The following LRIF1 variants were observed in gnomAD, a reference collection of about 807,000 sequenced individuals.
LRIF1 encodes the protein ligand dependent nuclear receptor interacting factor 1, also known as ligand-dependent nuclear receptor-interacting factor 1.
In LRIF1, 32 loss-of-function variants were observed where a neutral mutation model predicts 52.7. The ratio of observed to expected loss-of-function variants is 0.61; its 90% CI spans 0.46 to 0.82. The LOEUF is 0.82. Ranked by LOEUF, LRIF1 falls within the 40% of genes least tolerant of loss-of-function variation. The pLI is 0.00. For synonymous variants in LRIF1, 323 were observed against 317.4 expected (o/e 1.02, Z -0.19); for missense variants, 887 against 892.0 (o/e 0.99, Z 0.07).
At chr1:110,942,747 C>G (rs534033041), downstream of LRIF1, among the ~76,000 whole-genome samples, 1 of 152,018 alleles carries the variant, frequency 6.6e-6, no homozygotes, top group East Asian at 1.9e-4. Flanking sequence ...AACTAAGATA[C>G]AGAAGATCTT....
chr1:110,912,018 A>G, the LRIF1 span, among the ~76,000 whole-genome samples: 1 of 152,202 alleles, frequency 6.6e-6, no homozygotes, highest in African/African-American at 2.4e-5. Context: ...ATCAGGCAAG[A>G]GAAAGAAATA....
chr1:110,909,555 A>G, the LRIF1 span, among the ~76,000 whole-genome samples: 4 of 151,390 alleles, frequency 2.6e-5, no homozygotes, highest in South Asian at 8.4e-4. Context: ...AACAGAAAAC[A>G]AAAAAGGGCA....
chr1:110,898,975 A>G, the LRIF1 span: 1 of 601,756 alleles, frequency 1.7e-6, no homozygotes, highest in Non-Finnish European at 3.0e-6. Context: ...ACCAAAGGAA[A>G]GAGCTCCTGA....
the LRIF1 span, among the ~76,000 whole-genome samples, chr1:110,929,537 A>G: frequency 6.6e-6 from 1 of 152,158 alleles, no homozygotes; most frequent in East Asian, 1.9e-4. Flanking sequence ...TTTTTTTCAT[A>G]TGCTTGTGGC....
the LRIF1 span, among the ~76,000 whole-genome samples, chr1:110,887,438 C>T: frequency 6.6e-6 from 1 of 152,156 alleles, no homozygotes; most frequent in East Asian, 1.9e-4. Flanking sequence ...CATCTATCGC[C>T]ATATTATAGG....
chr1:110,958,185 C>G (rs1197433686), intron 1 of LRIF1, among the ~76,000 whole-genome samples: 2 of 152,228 alleles, frequency 1.3e-5, no homozygotes, highest in African/African-American at 2.4e-5. Context: ...CCCACAACTT[C>G]TCAATGTGAA....
At chr1:110,937,603 C>A in the LRIF1 span, 1 of 151,906 alleles carries the variant, frequency 6.6e-6, no homozygotes, top group Non-Finnish European at 1.5e-5. Flanking sequence ...AAGTTTATAG[C>A]TATAAGTGCC....
the LRIF1 span, among the ~76,000 whole-genome samples, chr1:110,889,534 G>A: frequency 1.3e-5 from 2 of 150,880 alleles, no homozygotes; most frequent in African/African-American, 4.9e-5. Flanking sequence ...TGCCAGCCTC[G>A]GCGAAAGAGC....
At chr1:110,931,629 C>T in the LRIF1 span, among the ~76,000 whole-genome samples, 34 of 152,162 alleles carry the variant, frequency 2.2e-4, no homozygotes, top group East Asian at 3.9e-4. Flanking sequence ...TATTTCTCCA[C>T]ATCCTCTCCA....
the LRIF1 span, chr1:110,892,725 A>G: frequency 1.8e-6 from 1 of 556,130 alleles, no homozygotes; most frequent in South Asian, 2.5e-5. Context: ...GACAGGTGAA[A>G]GAGGGCATTG....
chr1:110,953,002 C>T (rs1473423516), intron 1 of LRIF1, 187 bp from the exon 2 acceptor site: 1 of 261,836 alleles, frequency 3.8e-6, no homozygotes, highest in East Asian at 7.0e-5. Flanking sequence ...TAGTCAACTG[C>T]TTATATGATT....
chr1:110,951,614 T>G lies in LRIF1; in HGVS notation c.1270A>C (p.Met424Leu), dbSNP rs769330377. ...GTATTGGAAAGTGATTTTGTCTCCA[T>G]CTGGGAAGATTTACTTTTAGCCAAA... ...IVLAKSKSSQ[M>L]ETKSLSNTQL... is the part of the protein sequence containing the mutation. Residue 424 changes from methionine to leucine, a missense_variant, in exon 2 of 4, where the codon ATG (methionine) becomes CTG (leucine). Transcript: ENST00000369763. 6.2e-7 allele frequency: 1 copy of G among 1,614,132 alleles called. No homozygotes were observed. Among genetic ancestry groups the G allele is most frequent in the South Asian group, 1.1e-5 (1 of 91,086 alleles).
the LRIF1 span, among the ~76,000 whole-genome samples, chr1:110,902,550 AAG>A: frequency 6.6e-6 from 1 of 151,958 alleles, no homozygotes; most frequent in African/African-American, 2.4e-5. Context: ...AGAAAGAAGA[AAG>A]AAAGAATTCT....
chr1:110,886,869 A>ATATATATATATATATATATATATTTT, the LRIF1 span, among the ~76,000 whole-genome samples: 1 of 82,796 alleles, frequency 1.2e-5, no homozygotes, highest in Non-Finnish European at 2.2e-5. Context: ...ATATATATAT[A>ATATATATATATATATATATATATTTT]TTTTTTTTTT....
At chr1:110,884,144 C>T in the LRIF1 span, among the ~76,000 whole-genome samples, 127 of 152,164 alleles carry the variant, frequency 8.3e-4, no homozygotes, top group Middle Eastern at 3.4e-3. Flanking sequence ...CAGCTATAGA[C>T]ATTTAGCACT....
chr1:110,951,813 C>A lies in LRIF1; in HGVS notation c.1071G>T (p.Leu357Phe). The change falls in exon 2 of 4, where the codon TTG becomes TTT. Residue 357 changes from leucine (L) to phenylalanine (F), a missense_variant. Transcript: ENST00000369763. ...SKNMPIKDNALVMFNGKVYLL... is the reference protein window; with the variant it reads ...SKNMPIKDNAFVMFNGKVYLL... ...GATAGACTTTCCCATTAAACATAACCAAAGCATTATCTTTAATAGGCATAT... is the reference window on the plus strand; with the variant it reads ...GATAGACTTTCCCATTAAACATAACAAAAGCATTATCTTTAATAGGCATAT... 1 of 1,612,532 alleles carries A rather than the reference C, an allele frequency of 6.2e-7. No homozygotes were observed. Among genetic ancestry groups the A allele is most frequent in the Non-Finnish European group, 8.5e-7 (1 of 1,180,014 alleles).
At chr1:110,899,940 A>T in the LRIF1 span, 1 of 152,688 alleles carries the variant, frequency 6.5e-6, no homozygotes, top group African/African-American at 2.4e-5. Flanking sequence ...ATTGCTATAT[A>T]TCAAACACTC....
chr1:110,903,923 A>C, the LRIF1 span, among the ~76,000 whole-genome samples: 2 of 152,194 alleles, frequency 1.3e-5, no homozygotes, highest in African/African-American at 4.8e-5. Flanking sequence ...GTCCCAAGAC[A>C]GGCAGCATTC....
At chr1:110,902,364 C>T in the LRIF1 span, among the ~76,000 whole-genome samples, 1 of 151,958 alleles carries the variant, frequency 6.6e-6, no homozygotes, top group Non-Finnish European at 1.5e-5. Context: ...AAGAAGCATG[C>T]TTAGATTTAC....
Sources: gnomAD v4.1 joint callset for allele counts (sites outside exome capture counted in the v4.1 genomes callset) on GRCh38, gnomAD v4.1.1 for gene constraint, MANE v1.5 for transcripts, NCBI Gene and HGNC (gene_info 2026-07-23, HGNC 2026-07-21) for gene names.